WFIKKN1: variants seen among roughly 807,000 people sequenced by gnomAD.
WFIKKN1 encodes WAP, Kazal, immunoglobulin, Kunitz and NTR domain-containing protein 1.
Under a neutral mutation model 4.6 loss-of-function variants are expected in WFIKKN1, and 6 were observed. That is an observed-to-expected ratio of 1.31 (90% confidence interval 0.72 to 2.59). The LOEUF (loss-of-function observed/expected upper bound fraction) is 2.59, where lower values mean the gene tolerates loss of function less well. WFIKKN1 is among the 30% of genes most tolerant of loss of function. The probability of loss-of-function intolerance (pLI) is 0.00; values close to 1 mark genes in which losing one functional copy is unlikely to be tolerated. For missense variants in WFIKKN1, 964 were observed against 818.0 expected (o/e 1.18, Z -2.18); for synonymous variants, 468 against 367.4 (o/e 1.27, Z -3.13).
chr16:632,752 C>T lies in WFIKKN1; in HGVS notation c.342C>T (p.Cys114=), dbSNP rs1218759007. Residue 114 remains cysteine, a synonymous_variant, in exon 2 of 2, where the codon TGC becomes TGT. Coordinates refer to ENST00000319070, the MANE Select transcript of WFIKKN1 (RefSeq NM_053284.3). ...ACATCTGGGACGGGCAGCCCGTGTG[C>T]CGCTGCCGCGACCGCTGTGAGAAGG... is the stretch of plus-strand genomic sequence containing the variant. The part of the protein sequence containing the change: ...DCDIWDGQPV[C]RCRDRCEKEP... 2 of 1,609,008 alleles carry T rather than the reference C, an allele frequency of 1.2e-6. No individual in the cohort carries two copies. Among genetic ancestry groups the T allele is most frequent in the Non-Finnish European group, 1.7e-6 (2 of 1,177,874 alleles).
intron 1 of WFIKKN1, chr16:632,020 C>T (rs1226883009): frequency 7.0e-6 from 1 of 143,262 alleles, no homozygotes; most frequent in Non-Finnish European, 1.5e-5. Context: ...TTCTCCCACC[C>T]CTTCACTGCC....
In WFIKKN1 at chr16:634,029, G is replaced by C; in HGVS notation, c.1619G>C (p.Cys540Ser). Residue 540 changes from cysteine to serine, a missense_variant, in exon 2 of 2, where the codon TGC becomes TCC. Coordinates refer to ENST00000319070, the MANE Select transcript of WFIKKN1 (RefSeq NM_053284.3). ...TTGGAGCTGCTGGAGAAGCAGGCCT[G>C]CGAGCTGCTCAACCGCTTCCAGGAC... is the stretch of plus-strand genomic sequence containing the variant. ...KILELLEKQA[C>S]ELLNRFQD 6.3e-7 allele frequency: 1 copy of C among 1,594,978 alleles called. No homozygotes were observed. Among genetic ancestry groups the C allele is most frequent in the Non-Finnish European group, 8.5e-7 (1 of 1,172,946 alleles).
Position 631,336 on chromosome 16 carries a change from G to A in WFIKKN1, c.83G>A (p.Ser28Asn), listed in dbSNP as rs144348316. 499 of 1,605,864 alleles carry A rather than the reference G, an allele frequency of 3.1e-4. 3 individuals carry two copies. The African/African-American group carries it at 5.9e-3, about 19-fold the overall frequency. Residue 28 changes from serine (S) to asparagine (N), a missense_variant, in exon 1 of 2, where the codon AGC becomes AAC. Physicochemically the swap from Ser to Asn is conservative, Grantham distance 46. Transcript: ENST00000319070. Reference protein sequence around the residue: ...SGAGLLPGLGSHPGVCPNQLS... With the variant: ...SGAGLLPGLGNHPGVCPNQLS... ...GCTGGCTTGCTGCCAGGGCTGGGGAGCCACCCGGGCGTGTGCCCCAACCAG... is the reference window on the plus strand; with the variant it reads ...GCTGGCTTGCTGCCAGGGCTGGGGAACCACCCGGGCGTGTGCCCCAACCAG...
chr16:631,846 C>T (rs1411923485), intron 1 of WFIKKN1: 1 of 98,814 alleles, frequency 1.0e-5, no homozygotes, highest in Non-Finnish European at 2.0e-5. Flanking sequence ...CCTCTCCTTC[C>T]ATCCTCTCCT....
In WFIKKN1 at chr16:633,118, G is replaced by A. The variant is rs758097121; in HGVS notation, c.708G>A (p.Met236Ile). The change falls in exon 2 of 2, where the codon ATG becomes ATA. Residue 236 changes from methionine (M) to isoleucine (I), a missense_variant. By Grantham distance (10) the Met-to-Ile change is conservative. Transcript: ENST00000319070. The stretch of plus-strand genomic sequence containing the variant: ...ACCTGATCATGCGCCCTGATCAGAT[G>A]TATGGCAACGTGGTGGTCACCAGCA... The part of the protein sequence containing the change: ...RENLIMRPDQ[M>I]YGNVVVTSIG... 1.4e-5 allele frequency: 23 copies of A among 1,609,186 alleles called. No homozygotes were observed. The highest frequency in any genetic ancestry group is 1.8e-5 in the Non-Finnish European group (21 of 1,177,492).
At position 632,735 on chromosome 16, in the gene WFIKKN1, G is replaced by A. The variant is rs746121925; in HGVS notation, c.325G>A (p.Asp109Asn). The stretch of plus-strand genomic sequence containing the variant: ...GCAGGGCTCGGACTGCGACATCTGG[G>A]ACGGGCAGCCCGTGTGCCGCTGCCG... ...PQQGSDCDIW[D>N]GQPVCRCRDR... The change falls in exon 2 of 2, where the codon GAC (aspartate) becomes AAC (asparagine). Residue 109 changes from aspartate (D) to asparagine (N), a missense_variant. By Grantham distance (23) the Asp-to-Asn change is conservative (BLOSUM62 1). Transcript: ENST00000319070. 2.0e-5 allele frequency: 33 copies of A among 1,610,708 alleles called. No homozygotes were observed. The South Asian group carries it at 3.6e-4, about 18-fold the overall frequency.
Position 633,182 on chromosome 16 carries a change from G to A in WFIKKN1, c.772G>A (p.Ala258Thr), listed in dbSNP as rs1382575055. The A allele has an allele frequency of 2.5e-6, 4 of 1,595,652 alleles. No individual in the cohort carries two copies. The East Asian group carries it at 6.8e-5, about 27-fold the overall frequency. ...GCTCTACAACGCGCGGCCCGAAGAC[G>A]CCGGCCTGTACACCTGCACCGCGCG... ...LVLYNARPED[A>T]GLYTCTARNA... The change falls in exon 2 of 2, where the codon GCC becomes ACC. Residue 258 changes from alanine (A) to threonine (T), a missense_variant. By Grantham distance (58) the Ala-to-Thr change is moderately conservative. Coordinates refer to ENST00000319070, the MANE Select transcript of WFIKKN1 (RefSeq NM_053284.3).
chr16:631,324 C>T lies in WFIKKN1; in HGVS notation c.71C>T (p.Pro24Leu). Residue 24 changes from proline (P) to leucine (L), a missense_variant, in exon 1 of 2, where the codon CCA becomes CTA. Pro to Leu is a moderately conservative substitution (Grantham distance 98, BLOSUM62 -3). Coordinates refer to ENST00000319070, the MANE Select transcript of WFIKKN1 (RefSeq NM_053284.3). Reference sequence around the variant, plus strand: ...CTGACCTCGGGGGCTGGCTTGCTGCCAGGGCTGGGGAGCCACCCGGGCGTG... The same window carrying T: ...CTGACCTCGGGGGCTGGCTTGCTGCTAGGGCTGGGGAGCCACCCGGGCGTG... ...LRLTSGAGLL[P>L]GLGSHPGVCP... The T allele has an allele frequency of 6.2e-7, 1 of 1,603,988 alleles. No individual in the cohort carries two copies. The highest frequency in any genetic ancestry group is 8.5e-7 in the Non-Finnish European group (1 of 1,179,250).
intron 1 of WFIKKN1, chr16:631,660 C>T (rs1476273767): frequency 2.8e-5 from 11 of 394,150 alleles, no homozygotes; most frequent in African/African-American, 1.5e-4. Flanking sequence ...CCATCATCCT[C>T]GGCGACCACC....
Position 633,400 on chromosome 16 carries a change from G to A in WFIKKN1, c.990G>A (p.Pro330=), listed in dbSNP as rs763906346. The change falls in exon 2 of 2, where the codon CCG becomes CCA. Residue 330 remains proline, a synonymous_variant. Transcript: ENST00000319070. ...DPQRGGCMTF[P]ARGCDGAARG... Reference sequence around the variant, plus strand: ...AGCGGGGCGGCTGCATGACCTTCCCGGCCCGTGGCTGTGATGGGGCGGCCC... The same window carrying A: ...AGCGGGGCGGCTGCATGACCTTCCCAGCCCGTGGCTGTGATGGGGCGGCCC... 31 of 1,559,156 alleles carry A rather than the reference G, an allele frequency of 2.0e-5. No individual in the cohort carries two copies. The highest frequency in any genetic ancestry group is 2.7e-5 in the African/African-American group (2 of 72,894).
In WFIKKN1 at chr16:633,669, G is replaced by C. The variant is rs1181432070; in HGVS notation, c.1259G>C (p.Cys420Ser). 3 of 1,576,432 alleles carry C rather than the reference G, an allele frequency of 1.9e-6. No individual in the cohort carries two copies. In the Admixed American group the frequency reaches 5.4e-5, roughly 28 times the overall value. Residue 420 changes from cysteine (C) to serine (S), a missense_variant, in exon 2 of 2, where the codon TGC becomes TCC. Transcript: ENST00000319070. ...PVPRTPPCRA[C>S]RLRSKLALSL... The stretch of plus-strand genomic sequence containing the variant: ...CCGCGCACACCGCCCTGCCGCGCCT[G>C]CCGCCTCCGGAGCAAGCTGGCGCTG...
chr16:631,023 G>A lies in WFIKKN1; in HGVS notation c.-231G>A, dbSNP rs571829998. 203 of 556,962 alleles carry A rather than the reference G, an allele frequency of 3.6e-4. No homozygotes were observed. Among genetic ancestry groups the A allele is most frequent in the African/African-American group, 3.4e-3 (171 of 50,970 alleles). The allele number at this position is 556,962 out of a possible 1,614,324, so 34.5% of individuals were successfully genotyped here. On this transcript the variant is annotated 5_prime_UTR_variant, in exon 1 of 2. Transcript: ENST00000319070. ...AGGCTGAAGCTGGAGAGGAACCAGC[G>A]TCACACAGACGGCCTCTGAGAACTT... is the stretch of plus-strand genomic sequence containing the variant.
chr16:632,783 A>G lies in WFIKKN1; in HGVS notation c.373A>G (p.Ser125Gly). The G allele has an allele frequency of 6.2e-7, 1 of 1,604,238 alleles. No individual in the cohort carries two copies. Among genetic ancestry groups the G allele is most frequent in the Non-Finnish European group, 8.5e-7 (1 of 1,175,384 alleles). ...CCGCGACCGCTGTGAGAAGGAGCCC[A>G]GCTTCACCTGCGCCTCGGACGGCCT... ...RCRDRCEKEP[S>G]FTCASDGLTY... Residue 125 changes from serine to glycine, a missense_variant, in exon 2 of 2, where the codon AGC becomes GGC. Ser to Gly is a moderately conservative substitution (Grantham distance 56). Transcript: ENST00000319070.
rs973723994 is a variant in WFIKKN1 at position 633,826 on chromosome 16, C to G, written c.1416C>G (p.Phe472Leu). Residue 472 changes from phenylalanine to leucine, a missense_variant, in exon 2 of 2, where the codon TTC (phenylalanine) becomes TTG (leucine). Transcript: ENST00000319070. ...AGGATGACAAGATGGGCCTCAAGTTCTTGGGCACCAAGTACCTGGAGGTGA... is the reference window on the plus strand; with the variant it reads ...AGGATGACAAGATGGGCCTCAAGTTGTTGGGCACCAAGTACCTGGAGGTGA... ...VLKDDKMGLK[F>L]LGTKYLEVTL... The G allele has an allele frequency of 1.3e-5, 21 of 1,602,676 alleles. No individual in the cohort carries two copies. The highest frequency in any genetic ancestry group is 1.7e-5 in the Non-Finnish European group (20 of 1,175,230).
rs1457424191 is a variant in WFIKKN1, at chr16:634,055, T to G, written c.1645T>G (p.Ter549GluextTer13). 1 of 1,570,352 alleles carries G rather than the reference T, an allele frequency of 6.4e-7. No homozygotes were observed. The highest frequency in any genetic ancestry group is 8.6e-7 in the Non-Finnish European group (1 of 1,162,558). The change falls in exon 2 of 2, where the codon TAG becomes GAG. Residue 549 changes from the stop codon to glutamate, a stop_lost. Transcript: ENST00000319070. ...CGAGCTGCTCAACCGCTTCCAGGAC[T>G]AGCCCCCGCAGGGGCCTGCGCCACC... ...ACELLNRFQD[*>E]
chr16:631,117 C>A lies in WFIKKN1; in HGVS notation c.-137C>A. ...CTGCTGCAGGCTTCAGCCTCAGGGG[C>A]AAAAGGGAGCCCCGGGGTCCTGGTG... On this transcript the variant is annotated 5_prime_UTR_variant, in exon 1 of 2. Coordinates refer to ENST00000319070, the MANE Select transcript of WFIKKN1 (RefSeq NM_053284.3). The A allele has an allele frequency of 9.5e-7, 1 of 1,049,302 alleles. No homozygotes were observed. Among genetic ancestry groups the A allele is most frequent in the Non-Finnish European group, 1.3e-6 (1 of 753,036 alleles). 65.0% of individuals were successfully genotyped at this position (1,049,302 alleles called of 1,614,324 possible).
Position 633,027 on chromosome 16 carries a change from A to G in WFIKKN1, c.617A>G (p.His206Arg). The G allele has an allele frequency of 6.2e-7, 1 of 1,610,018 alleles. No individual in the cohort carries two copies. The highest frequency in any genetic ancestry group is 8.5e-7 in the Non-Finnish European group (1 of 1,178,550). Residue 206 changes from histidine (H) to arginine (R), a missense_variant, in exon 2 of 2, where the codon CAC becomes CGC. By Grantham distance (29) the His-to-Arg change is conservative (BLOSUM62 0). Transcript: ENST00000319070. Reference sequence around the variant, plus strand: ...CAGGTTGGGGGTACGGCCAGCCTCCACTGCGACGTCAGCGGCCGCCCGCCG... The same window carrying G: ...CAGGTTGGGGGTACGGCCAGCCTCCGCTGCGACGTCAGCGGCCGCCCGCCG... ...AVQVGGTASL[H>R]CDVSGRPPPA...
rs745418348 is a variant in WFIKKN1, at chr16:632,570, C to G, written c.172-12C>G. On this transcript the variant is annotated splice_polypyrimidine_tract_variant and intron_variant, in intron 1 of 1. Transcript: ENST00000319070. ...GCATTGGGGCTCCCACCTAAGTGTCCCCCATCCCCAGGACTGTGCGGCTGC... is the reference window on the plus strand; with the variant it reads ...GCATTGGGGCTCCCACCTAAGTGTCGCCCATCCCCAGGACTGTGCGGCTGC... The G allele has an allele frequency of 1.1e-5, 16 of 1,501,434 alleles. No homozygotes were observed. Among genetic ancestry groups the G allele is most frequent in the South Asian group, 1.3e-5 (1 of 74,234 alleles). The allele number at this position is 1,501,434 out of a possible 1,614,324, so 93.0% of individuals were successfully genotyped here. A position where few individuals can be genotyped will look rare whatever the true frequency, so the allele number is the denominator to read the frequency against.
At chr16:631,534 G>A in intron 1 of WFIKKN1, 110 bp downstream of exon 1, 1 of 1,404,744 alleles carries the variant, frequency 7.1e-7, no homozygotes, top group Non-Finnish European at 9.4e-7. Context: ...GGGGGTCTGG[G>A]TCTGGGCCCC....
Sources: allele counts gnomAD v4.1 joint callset, GRCh38; gene constraint gnomAD v4.1.1; transcripts MANE v1.5; gene names NCBI Gene and HGNC (gene_info 2026-07-23, HGNC 2026-07-21).